The following JARID2 variants were observed in gnomAD, a reference collection of about 807,000 sequenced individuals.
JARID2 encodes the protein protein Jumonji.
A neutral mutation model predicts 125.6 loss-of-function variants in JARID2; 21 were observed. That is an observed-to-expected ratio of 0.17 (90% CI 0.12 to 0.24). JARID2 has a LOEUF of 0.24. Ranked by LOEUF, JARID2 falls within the 10% of genes least tolerant of loss-of-function variation. JARID2 has a pLI of 1.00. For missense variants in JARID2, 1,303 were observed against 1,639.6 expected, an observed-to-expected ratio of 0.79 and a Z score of 3.55; for synonymous variants, 736 against 661.6, an observed-to-expected ratio of 1.11 and a Z score of -1.73.
intron 5 of JARID2, among the ~76,000 whole-genome samples, 187 bp from the exon 6 acceptor site, chr6:15,487,120 T>C (rs1178282278): frequency 2.0e-5 from 3 of 152,100 alleles, no homozygotes; most frequent in Middle Eastern, 3.2e-3. Flanking sequence ...GCACTTGTTA[T>C]CACGAGAACA....
At chr6:15,309,668 C>CGTGT (rs528107266) in intron 1 of JARID2, among the ~76,000 whole-genome samples, 4 of 149,418 alleles carry the variant, frequency 2.7e-5, no homozygotes, top group South Asian at 2.1e-4. Flanking sequence ...CATATATAAA[C>CGTGT]GTGTGTGTGT....
intron 4 of JARID2, among the ~76,000 whole-genome samples, chr6:15,460,742 T>C (rs542856437): frequency 1.3e-5 from 2 of 152,322 alleles, no homozygotes; most frequent in East Asian, 3.9e-4. Context: ...CCACCCTGTG[T>C]CACCCAGGCT....
intron 3 of JARID2, among the ~76,000 whole-genome samples, chr6:15,432,526 C>G (rs1767013140): frequency 6.6e-6 from 1 of 152,214 alleles, no homozygotes; most frequent in South Asian, 2.1e-4. Context: ...AAGCCAGTGT[C>G]TCAGTAGCAC....
At chr6:15,495,360 A>T (rs1223270612) in intron 6 of JARID2, among the ~76,000 whole-genome samples, 1 of 152,206 alleles carries the variant, frequency 6.6e-6, no homozygotes, top group East Asian at 1.9e-4. Context: ...GACAGTTTGT[A>T]AACGGTGGGA....
At chr6:15,467,937 ATTTC>A (rs1768820823) in intron 4 of JARID2, among the ~76,000 whole-genome samples, 1 of 152,062 alleles carries the variant, frequency 6.6e-6, no homozygotes, top group Non-Finnish European at 1.5e-5. Flanking sequence ...TGGGAGGTTT[ATTTC>A]TTTATTTTTT....
At chr6:15,286,632 G>A (rs1198396540) in intron 1 of JARID2, among the ~76,000 whole-genome samples, 2 of 151,886 alleles carry the variant, frequency 1.3e-5, no homozygotes, top group African/African-American at 2.4e-5. Context: ...AGGCCGAGAC[G>A]GGCGGATCAC....
intron 1 of JARID2, among the ~76,000 whole-genome samples, chr6:15,360,114 T>C (rs1035786895): frequency 3.3e-5 from 5 of 152,218 alleles, no homozygotes; most frequent in Admixed American, 2.6e-4. Context: ...TCTCTTTCTA[T>C]CCAAGACTCT....
chr6:15,319,755 T>G (rs971944659), intron 1 of JARID2, among the ~76,000 whole-genome samples: 2 of 152,194 alleles, frequency 1.3e-5, no homozygotes, highest in African/African-American at 4.8e-5. Flanking sequence ...AAGTTTAACC[T>G]GAGGATGGCC....
chr6:15,301,175 C>T lies in JARID2; in HGVS notation c.45+54591C>T, dbSNP rs376958166. On this transcript the variant is annotated intron_variant, in intron 1 of 17. Coordinates refer to ENST00000341776, the MANE Select transcript of JARID2 (RefSeq NM_004973.4). ...AATTCCAAAGGAACAGCAAGGGCCA[C>T]ATAAAGAGGAAAATCTGCAAAATGG... 1.6e-4 allele frequency among the ~76,000 whole-genome samples: 25 copies of T among 152,302 alleles called. No individual in the cohort carries two copies. The East Asian group carries it at 4.6e-3, about 28-fold the overall frequency.
chr6:15,290,363 T>C (rs528599298), intron 1 of JARID2, among the ~76,000 whole-genome samples: 1 of 152,224 alleles, frequency 6.6e-6, no homozygotes, highest in Non-Finnish European at 1.5e-5. Flanking sequence ...TCAAGACTCT[T>C]TGTAGTCATG....
intron 7 of JARID2, among the ~76,000 whole-genome samples, chr6:15,499,616 C>A (rs190968281): frequency 2.6e-5 from 4 of 152,030 alleles, no homozygotes; most frequent in Admixed American, 2.0e-4. Context: ...GAAGAACTCC[C>A]GATTGTCAGC....
chr6:15,487,462 A>G lies in JARID2; in HGVS notation c.826A>G (p.Thr276Ala). Residue 276 changes from threonine (T) to alanine (A), a missense_variant, in exon 6 of 18, where the codon ACG (threonine) becomes GCG (alanine). Physicochemically the swap from Thr to Ala is moderately conservative, Grantham distance 58. Around this residue, in one of 11 missense-constraint regions of JARID2, gnomAD observed 651 missense variants for 581.6 expected, o/e 1.12. Transcript: ENST00000341776. ...SANHPAAAPS[T>A]GSSAKGLAAT... ...TAACCACCCCGCAGCGGCCCCCTCCACGGGTTCCTCGGCCAAGGGGCTTGC... is the reference window on the plus strand; with the variant it reads ...TAACCACCCCGCAGCGGCCCCCTCCGCGGGTTCCTCGGCCAAGGGGCTTGC... The G allele has an allele frequency of 6.2e-7, 1 of 1,614,174 alleles. No individual in the cohort carries two copies. The highest frequency in any genetic ancestry group is 1.3e-5 in the African/African-American group (1 of 75,044).
intron 3 of JARID2, among the ~76,000 whole-genome samples, chr6:15,414,901 G>A (rs999488960): frequency 6.6e-6 from 1 of 152,144 alleles, no homozygotes; most frequent in Non-Finnish European, 1.5e-5. Context: ...AGTGGAGGGA[G>A]GGTCAGCAGA....
At chr6:15,263,711 G>C (rs1384800064) in intron 1 of JARID2, among the ~76,000 whole-genome samples, 1 of 151,328 alleles carries the variant, frequency 6.6e-6, no homozygotes, top group African/African-American at 2.4e-5. Flanking sequence ...TCCTGCCTCA[G>C]CCTCCAGAGT....
intron 4 of JARID2, among the ~76,000 whole-genome samples, chr6:15,460,243 C>T (rs1043873823): frequency 2.0e-5 from 3 of 152,124 alleles, no homozygotes; most frequent in East Asian, 1.9e-4. Context: ...GGCCCTGTGA[C>T]GTTGATCAGA....
At chr6:15,246,682 C>T (rs1581315257) in intron 1 of JARID2, 98 bp downstream of exon 1, 3 of 1,075,650 alleles carry the variant, frequency 2.8e-6, no homozygotes, top group East Asian at 2.4e-5. Context: ...GGGTTTTAAA[C>T]ACAGCGTCCG....
intron 1 of JARID2, among the ~76,000 whole-genome samples, chr6:15,322,803 A>G (rs1167789899): frequency 6.6e-6 from 1 of 152,236 alleles, no homozygotes; most frequent in African/African-American, 2.4e-5. Flanking sequence ...ATTTCAGCAT[A>G]GAGAAGAGGG....
intron 6 of JARID2, among the ~76,000 whole-genome samples, chr6:15,492,310 G>T (rs1379805241): frequency 6.6e-6 from 1 of 152,180 alleles, no homozygotes. Flanking sequence ...AGCCCACGTC[G>T]GCGCTAATTC....
intron 13 of JARID2, 69 bp from the exon 14 acceptor site, chr6:15,512,139 C>T (rs549086032): frequency 4.3e-5 from 59 of 1,385,900 alleles, no homozygotes; most frequent in Non-Finnish European, 5.0e-5. Context: ...GGTGCGCATA[C>T]GTCACCTGAA....
Sources: allele counts gnomAD v4.1 joint callset (sites outside exome capture counted in the v4.1 genomes callset), GRCh38; gene constraint gnomAD v4.1.1; regional missense constraint gnomAD v4.1.1; transcripts MANE v1.5; gene names NCBI Gene and HGNC (gene_info 2026-07-23, HGNC 2026-07-21).